C4orf50: variants seen among roughly 807,000 people sequenced by gnomAD.
C4orf50 encodes the protein chromosome 4 open reading frame 50.
Under a neutral mutation model 77.2 loss-of-function variants are expected in C4orf50, and 80 were observed. The observed-to-expected ratio is 1.04, with a 90% CI of 0.87 to 1.25. The LOEUF (loss-of-function observed/expected upper bound fraction) is 1.25, where lower values mean the gene tolerates loss of function less well. C4orf50 is among the 50% of genes most tolerant of loss of function. C4orf50 has a pLI of 0.00. For missense variants in C4orf50, 1,257 were observed against 1,152.9 expected (o/e 1.09, Z -1.31); for synonymous variants, 532 against 465.3 (o/e 1.14, Z -1.84).
rs1275285266 is a variant in C4orf50, at chr4:5,958,928, G to A, written c.*447C>T. ...CTCGACCTCAGCACTGGCGACCCTC[G>A]GGCTGTAATTCTTTGCTGTAGGAGG... On this transcript the variant is annotated 3_prime_UTR_variant, in exon 34 of 34. Transcript: ENST00000531445. This position sits in a 1 kb window ranked among gnomAD's most constrained non-coding sequence, Gnocchi z 5.4. 4 of 163,306 alleles carry A rather than the reference G, an allele frequency of 2.4e-5. No homozygotes were observed. The highest frequency in any genetic ancestry group is 7.2e-5 in the African/African-American group (3 of 41,736). 10.1% of individuals were successfully genotyped at this position (163,306 alleles called of 1,614,324 possible). A position where few individuals can be genotyped will look rare whatever the true frequency, so the allele number is the denominator to read the frequency against.
chr4:5,997,553 T>A (rs562886729), intron 25 of C4orf50, among the ~76,000 whole-genome samples: 1 of 152,340 alleles, frequency 6.6e-6, no homozygotes, highest in African/African-American at 2.4e-5. Context: ...TGGAACTTTC[T>A]GCCTCCCTGC....
chr4:5,999,940 C>A (rs1177273348), intron 25 of C4orf50, among the ~76,000 whole-genome samples: 3 of 152,220 alleles, frequency 2.0e-5, no homozygotes, highest in Admixed American at 6.5e-5. Flanking sequence ...CAGGGACCTG[C>A]AGCTCAGTGT....
intron 31 of C4orf50, among the ~76,000 whole-genome samples, chr4:5,969,308 A>G (rs769583911): frequency 6.6e-6 from 1 of 151,902 alleles, no homozygotes; most frequent in Non-Finnish European, 1.5e-5. Context: ...GGGATTGCTG[A>G]TTTAATGAAC....
chr4:5,920,267 T>C (rs1717203683), intron 7 of C4orf50, among the ~76,000 whole-genome samples: 1 of 152,168 alleles, frequency 6.6e-6, no homozygotes, highest in Non-Finnish European at 1.5e-5. Flanking sequence ...AAATCCCACC[T>C]CTGCCACTCA....
intron 7 of C4orf50, among the ~76,000 whole-genome samples, chr4:5,928,725 A>G (rs1233537836): frequency 6.6e-6 from 1 of 152,244 alleles, no homozygotes; most frequent in African/African-American, 2.4e-5. Context: ...GCATACAGAC[A>G]CAATTCCTAA....
chr4:5,902,508 G>A (rs956201711), intron 7 of C4orf50: 3 of 152,188 alleles, frequency 2.0e-5, no homozygotes, highest in Non-Finnish European at 2.9e-5. Context: ...GGAACCCTTG[G>A]ACGTGACCTT....
At chr4:5,917,734 T>C (rs1241906142) in intron 7 of C4orf50, among the ~76,000 whole-genome samples, 1 of 152,116 alleles carries the variant, frequency 6.6e-6, no homozygotes, top group East Asian at 1.9e-4. Context: ...AGCTATAGTA[T>C]GTTTCTTTCT....
intron 7 of C4orf50, among the ~76,000 whole-genome samples, chr4:5,915,954 G>T (rs994452672): frequency 6.6e-6 from 1 of 152,206 alleles, no homozygotes; most frequent in Non-Finnish European, 1.5e-5. Context: ...CACTGAGATA[G>T]ACCAGGTTTT....
chr4:5,991,550 C>G (rs1721296985), intron 27 of C4orf50, among the ~76,000 whole-genome samples: 1 of 152,162 alleles, frequency 6.6e-6, no homozygotes, highest in African/African-American at 2.4e-5. Context: ...GAGGAGGAGC[C>G]CAGCTCACAG....
intron 7 of C4orf50, among the ~76,000 whole-genome samples, chr4:5,939,092 A>G (rs1049574324): frequency 6.6e-6 from 1 of 152,118 alleles, no homozygotes; most frequent in African/African-American, 2.4e-5. Context: ...AAATACAAAA[A>G]ATTAGCTGGG....
chr4:5,937,156 C>A (rs913152489), intron 7 of C4orf50, among the ~76,000 whole-genome samples: 1 of 151,592 alleles, frequency 6.6e-6, no homozygotes, highest in Non-Finnish European at 1.5e-5. Flanking sequence ...AAAAAAAATA[C>A]AAGAAAGAAC....
intron 31 of C4orf50, among the ~76,000 whole-genome samples, chr4:5,973,249 C>T (rs1046922005): frequency 2.0e-5 from 3 of 152,182 alleles, no homozygotes; most frequent in Non-Finnish European, 2.9e-5. Context: ...GAGCAGGCTG[C>T]CTGGGCAAGG....
chr4:5,905,728 A>G lies in C4orf50; in HGVS notation c.*2475-7540T>C, dbSNP rs546979503. Among the ~76,000 whole-genome samples, 1 of 152,380 alleles carries G rather than the reference A, an allele frequency of 6.6e-6. No individual in the cohort carries two copies. Among genetic ancestry groups the G allele is most frequent in the East Asian group, 1.9e-4 (1 of 5,186 alleles). On this transcript the variant is annotated intron_variant, in intron 7 of 7. Coordinates refer to the C4orf50 transcript ENST00000324058. This position sits in a 1 kb window ranked among gnomAD's most constrained non-coding sequence, Gnocchi z 5.4. ...GGAAATTTTATGTTACTAAGCATTC[A>G]TGCACATTCTGTAGAGAGGGTTTCT... is the stretch of plus-strand genomic sequence containing the variant.
At chr4:5,963,761 TCTGC>T (rs1248613721) in intron 33 of C4orf50, among the ~76,000 whole-genome samples, 1 of 152,230 alleles carries the variant, frequency 6.6e-6, no homozygotes, top group East Asian at 1.9e-4. Flanking sequence ...CACACTCAGC[TCTGC>T]CTGCCTGATT....
At chr4:5,996,890 G>A (rs1177266929) in intron 25 of C4orf50, among the ~76,000 whole-genome samples, 4 of 152,236 alleles carry the variant, frequency 2.6e-5, no homozygotes, top group African/African-American at 9.6e-5. Context: ...CCATTCAGCT[G>A]CCTCTTGTCT....
chr4:5,909,731 C>T (rs1716716356), intron 7 of C4orf50, among the ~76,000 whole-genome samples: 1 of 152,172 alleles, frequency 6.6e-6, no homozygotes, highest in Non-Finnish European at 1.5e-5. Context: ...TGTGAATATC[C>T]AGTTTCCCTA....
rs140629144 is a variant in C4orf50 at position 5,962,313 on chromosome 4, T to A, written c.4276-2687A>T. Among the ~76,000 whole-genome samples, 647 of 152,370 alleles carry A rather than the reference T, an allele frequency of 4.2e-3. 1 individual carries two copies. Among genetic ancestry groups the A allele is most frequent in the Non-Finnish European group, 5.9e-3 (400 of 68,032 alleles). On this transcript the variant is annotated intron_variant, in intron 33 of 33. Coordinates refer to ENST00000531445, the Ensembl canonical transcript of C4orf50. ...AAATGATTTCCAACAGAGGAAAGGT[T>A]TCCAGTCCAGTGACCTTCTGTGTTT...
At chr4:5,910,609 C>T (rs1284183823) in intron 7 of C4orf50, among the ~76,000 whole-genome samples, 1 of 152,096 alleles carries the variant, frequency 6.6e-6, no homozygotes, top group Admixed American at 6.5e-5. Context: ...CCACAATAAT[C>T]ACCCCACTCG....
intron 23 of C4orf50, among the ~76,000 whole-genome samples, chr4:6,013,318 G>A (rs1265627177): frequency 6.6e-6 from 1 of 152,154 alleles, no homozygotes; most frequent in Non-Finnish European, 1.5e-5. Context: ...GAGTCAGGCT[G>A]AGCACTTTCC....
Sources: gnomAD v4.1 joint callset for allele counts (sites outside exome capture counted in the v4.1 genomes callset) on GRCh38, gnomAD v4.1.1 for gene constraint, Gnocchi (gnomAD v3.1) non-coding constraint, MANE v1.5 for transcripts, NCBI Gene and HGNC (gene_info 2026-07-23, HGNC 2026-07-21) for gene names.